The following THEMIS variants were observed in gnomAD, a reference collection of about 807,000 sequenced individuals.
The protein encoded by THEMIS is thymocyte selection associated, also known as protein THEMIS.
Under a neutral mutation model 52.6 loss-of-function variants are expected in THEMIS, and 37 were observed. That is an observed-to-expected ratio of 0.70 (90% CI 0.54 to 0.93). THEMIS has a LOEUF of 0.93. Ranked by LOEUF, THEMIS falls within the 40% of genes least tolerant of loss-of-function variation. The pLI is 0.00. For synonymous variants in THEMIS, 292 were observed against 272.7 expected (o/e 1.07, Z -0.70); for missense variants, 808 against 763.1 (o/e 1.06, Z -0.69).
chr6:127,714,384 T>G (rs1397798125), intron 5 of THEMIS, among the ~76,000 whole-genome samples: 2 of 151,858 alleles, frequency 1.3e-5, no homozygotes, highest in African/African-American at 4.8e-5. Context: ...TTTATAAAAT[T>G]TTTACATGTC....
intron 1 of THEMIS, among the ~76,000 whole-genome samples, chr6:127,859,056 G>A (rs1017853685): frequency 6.6e-6 from 1 of 152,098 alleles, no homozygotes; most frequent in Non-Finnish European, 1.5e-5. Flanking sequence ...TGGTTCAATA[G>A]ATTTTCTTCC....
rs529297506 is a variant in THEMIS at position 127,757,446 on chromosome 6, T to C, written c.1759-37623A>G. Among the ~76,000 whole-genome samples the C allele has an allele frequency of 4.6e-5, 7 of 152,160 alleles. No homozygotes were observed. In the East Asian group the frequency reaches 1.4e-3, roughly 29 times the overall value. On this transcript the variant is annotated intron_variant, in intron 4 of 5. Coordinates refer to ENST00000368248, the MANE Select transcript of THEMIS (RefSeq NM_001010923.3). ...CGTAGACTATATTTACATATATATA[T>C]ATGTAAGTGAAAGTGATACATGTCA... is the stretch of plus-strand genomic sequence containing the variant.
At chr6:127,763,203 G>C (rs1776079832) in intron 4 of THEMIS, among the ~76,000 whole-genome samples, 1 of 151,968 alleles carries the variant, frequency 6.6e-6, no homozygotes, top group African/African-American at 2.4e-5. Flanking sequence ...GAAAGGGAAA[G>C]CATTATATTT....
intron 1 of THEMIS, among the ~76,000 whole-genome samples, chr6:127,882,719 A>C (rs1236331171): frequency 6.6e-6 from 1 of 151,858 alleles, no homozygotes; most frequent in African/African-American, 2.4e-5. Flanking sequence ...AAATGTTGTA[A>C]ATTTTAAGAA....
At chr6:127,770,098 T>C (rs1776332801) in intron 4 of THEMIS, among the ~76,000 whole-genome samples, 1 of 152,252 alleles carries the variant, frequency 6.6e-6, no homozygotes. Flanking sequence ...TGCATGTGTC[T>C]TTATAACAGC....
At chr6:127,734,889 AAAAAAAAAT>A (rs1388714736) in intron 4 of THEMIS, among the ~76,000 whole-genome samples, 1 of 129,646 alleles carries the variant, frequency 7.7e-6, no homozygotes, top group African/African-American at 2.9e-5. Flanking sequence ...AAAAAAAAAA[AAAAAAAAAT>A]ATATATATAT....
chr6:127,833,932 C>A (rs1778786085), intron 2 of THEMIS, among the ~76,000 whole-genome samples: 1 of 151,978 alleles, frequency 6.6e-6, no homozygotes, highest in Admixed American at 6.6e-5. Context: ...TTGGTATATT[C>A]TATAAATCTA....
chr6:127,714,584 T>C (rs1193869487), intron 5 of THEMIS, among the ~76,000 whole-genome samples: 1 of 151,880 alleles, frequency 6.6e-6, no homozygotes, highest in Non-Finnish European at 1.5e-5. Flanking sequence ...TTAAGCGATA[T>C]TTTAAAGCAC....
Position 127,827,375 on chromosome 6 carries a change from T to C in THEMIS, c.709+2101A>G, listed in dbSNP as rs534167152. On this transcript the variant is annotated intron_variant, in intron 3 of 5. Transcript: ENST00000368248. ...GTCTCAGGCAGTATCTGTCCTGAAA[T>C]TGCTATACAATAAGAACTATGTTTA... Among the ~76,000 whole-genome samples the C allele has an allele frequency of 2.6e-5, 4 of 152,280 alleles. No homozygotes were observed. In the East Asian group the frequency reaches 7.7e-4, roughly 29 times the overall value.
At chr6:127,856,664 A>G (rs148710195) in intron 1 of THEMIS, among the ~76,000 whole-genome samples, 1,581 of 152,132 alleles carry the variant, frequency 0.01, 14 homozygotes, top group Non-Finnish European at 0.017. Flanking sequence ...TAGTCTATCC[A>G]TTCCTCAAGC....
chr6:127,824,051 T>A (rs915920284), intron 3 of THEMIS, among the ~76,000 whole-genome samples: 2 of 152,092 alleles, frequency 1.3e-5, no homozygotes, highest in African/African-American at 4.8e-5. Context: ...ATAAGACCCC[T>A]GGAAAGCAAG....
intron 3 of THEMIS, among the ~76,000 whole-genome samples, chr6:127,820,247 A>T (rs905251073): frequency 1.3e-5 from 2 of 152,168 alleles, no homozygotes; most frequent in African/African-American, 4.8e-5. Context: ...GAAAAATAGC[A>T]TATTTAATTT....
chr6:127,860,123 T>C lies in THEMIS; in HGVS notation c.92-4935A>G, dbSNP rs549699388. 1.7e-4 allele frequency among the ~76,000 whole-genome samples: 26 copies of C among 152,238 alleles called. No individual in the cohort carries two copies. In the Middle Eastern group the frequency reaches 0.024, roughly 139 times the overall value. ...CAGGAATGAAGTTCAAAAGAGGCCA[T>C]GGTTGCAATAGACATTTATATGGCC... On this transcript the variant is annotated intron_variant, in intron 1 of 5. Transcript: ENST00000368248.
intron 4 of THEMIS, among the ~76,000 whole-genome samples, chr6:127,808,047 G>A (rs1171413023): frequency 6.6e-6 from 1 of 152,014 alleles, no homozygotes; most frequent in Non-Finnish European, 1.5e-5. Flanking sequence ...CTTGCTCTTT[G>A]CCTTAATGTC....
chr6:127,886,716 C>T (rs886287440), intron 1 of THEMIS, among the ~76,000 whole-genome samples: 5 of 152,062 alleles, frequency 3.3e-5, no homozygotes, highest in South Asian at 4.1e-4. Flanking sequence ...AATGTTGTCA[C>T]GCATCATTGT....
chr6:127,703,035 G>GGTTTTTTTTTTTTT, the THEMIS span, among the ~76,000 whole-genome samples: 501 of 82,358 alleles, frequency 6.1e-3, 109 homozygotes, highest in Non-Finnish European at 7.6e-3. Flanking sequence ...TTTAGAATGA[G>GGTTTTTTTTTTTTT]TTTTTTTTTT....
intron 1 of THEMIS, among the ~76,000 whole-genome samples, chr6:127,857,316 AT>A (rs1361487183): frequency 2.0e-5 from 3 of 151,994 alleles, no homozygotes; most frequent in African/African-American, 7.2e-5. Context: ...ATGACTGCAG[AT>A]TTGAGTTTTA....
intron 3 of THEMIS, among the ~76,000 whole-genome samples, chr6:127,817,881 C>T (rs899988660): frequency 1.4e-4 from 22 of 152,286 alleles, no homozygotes; most frequent in Non-Finnish European, 5.9e-5. Context: ...TTCAGGGGCC[C>T]ATCCAGGTTC....
At position 127,873,449 on chromosome 6, in the gene THEMIS, G is replaced by A. The variant is rs745878979; in HGVS notation, c.92-18261C>T. 4.6e-5 allele frequency among the ~76,000 whole-genome samples: 7 copies of A among 152,108 alleles called. No homozygotes were observed. The South Asian group carries it at 6.2e-4, about 14-fold the overall frequency. On this transcript the variant is annotated intron_variant, in intron 1 of 5. Transcript: ENST00000368248. ...GTTAGTGGCAGAGGAATAGATATAC[G>A]TATTAAAGGAAGAAAATGTACTCCC... is the stretch of plus-strand genomic sequence containing the variant.
Sources: allele counts gnomAD v4.1 joint callset (sites outside exome capture counted in the v4.1 genomes callset), GRCh38; gene constraint gnomAD v4.1.1; transcripts MANE v1.5; gene names NCBI Gene and HGNC (gene_info 2026-07-23, HGNC 2026-07-21).